Variants in AXIN1 observed in about 807,000 individuals in gnomAD.
AXIN1 encodes axin 1, also known as axin-1.
AXIN1 carries 30 observed loss-of-function variants against 76.4 expected under a neutral mutation model. That is an observed-to-expected ratio of 0.39 (90% CI 0.29 to 0.53). AXIN1 has a LOEUF of 0.53. Among genes scored for constraint, AXIN1 ranks in the 20% least tolerant of loss-of-function variants. The pLI, the probability that AXIN1 is intolerant of heterozygous loss-of-function variation, is 0.66. For synonymous variants in AXIN1, 545 were observed against 501.4 expected (o/e 1.09, Z -1.16); for missense variants, 1,140 against 1,198.8 (o/e 0.95, Z 0.72).
chr16:341,710 T>G (rs928627751), intron 2 of AXIN1, among the ~76,000 whole-genome samples: 134 of 152,352 alleles, frequency 8.8e-4, no homozygotes, highest in Middle Eastern at 3.4e-3. Flanking sequence ...GGGCTCCTGA[T>G]TCTGGTGGGG....
At chr16:292,315 G>C (rs1255564846) in intron 8 of AXIN1, 1 of 152,268 alleles carries the variant, frequency 6.6e-6, no homozygotes, top group Admixed American at 6.5e-5. Flanking sequence ...CAGATGTTTG[G>C]TCATAAAGTG....
intron 4 of AXIN1, among the ~76,000 whole-genome samples, chr16:308,528 A>G (rs2053087489): frequency 1.3e-5 from 2 of 152,264 alleles, no homozygotes; most frequent in Admixed American, 1.3e-4. Context: ...TCATGGGCAC[A>G]GAGGGCTGTT....
chr16:291,527 C>G, intron 8 of AXIN1: 1 of 593,660 alleles, frequency 1.7e-6, no homozygotes, highest in Non-Finnish European at 3.1e-6. Context: ...CCGGCACCAA[C>G]CCCCTGAGTT....
chr16:326,372 A>AAAAAAAAAAAAATATATATATAT (rs1380874299), intron 2 of AXIN1, among the ~76,000 whole-genome samples: 1 of 86,468 alleles, frequency 1.2e-5, no homozygotes, highest in African/African-American at 5.8e-5. Flanking sequence ...AAAAAAAAAA[A>AAAAAAAAAAAAATATATATATAT]ATATATATAT....
chr16:299,378 A>G (rs2052806014), intron 5 of AXIN1, among the ~76,000 whole-genome samples: 1 of 152,252 alleles, frequency 6.6e-6, no homozygotes, highest in Non-Finnish European at 1.5e-5. Flanking sequence ...ATTTAGAGTC[A>G]GAGTCGCTCT....
rs541098940 is a variant in AXIN1, at chr16:287,615, C to T, written c.*507G>A. ...GGAGGACCCAGGACTGCACAGCCGG[C>T]GGCTGGAGGCAGGTGCAGTGCTCCG... On this transcript the variant is annotated 3_prime_UTR_variant, in exon 11 of 11. Transcript: ENST00000262320. The T allele has an allele frequency of 2.2e-4, 68 of 312,044 alleles. No homozygotes were observed. Among genetic ancestry groups the T allele is most frequent in the South Asian group, 6.0e-4 (10 of 16,680 alleles). The allele number at this position is 312,044 out of a possible 1,614,324, so 19.3% of individuals were successfully genotyped here. A position where few individuals can be genotyped will look rare whatever the true frequency, so the allele number is the denominator to read the frequency against.
chr16:346,418 T>G lies in AXIN1; in HGVS notation c.608A>C (p.Lys203Thr). Reference protein sequence around the residue: ...MEENTYPSFLKSDIYLEYTRT... With the variant: ...MEENTYPSFLTSDIYLEYTRT... ...CGTATATTCCAAATAAATATCAGACTTAAGGAAGGAGGGATAGGTGTTTTC... is the reference window on the plus strand; with the variant it reads ...CGTATATTCCAAATAAATATCAGACGTAAGGAAGGAGGGATAGGTGTTTTC... The change falls in exon 2 of 11, where the codon AAG becomes ACG. Residue 203 changes from lysine to threonine, a missense_variant. Physicochemically the swap from Lys to Thr is moderately conservative, Grantham distance 78. This residue lies in a region of AXIN1 where 708 missense variants were observed against 776.9 expected (regional missense o/e 0.91). Transcript: ENST00000262320. The G allele has an allele frequency of 6.2e-7, 1 of 1,614,178 alleles. No homozygotes were observed. The highest frequency in any genetic ancestry group is 2.2e-5 in the East Asian group (1 of 44,890).
rs768364074 is a variant in AXIN1 at position 346,964 on chromosome 16, G to A, written c.62C>T (p.Pro21Leu). The change falls in exon 2 of 11, where the codon CCC (proline) becomes CTC (leucine). Residue 21 changes from proline (P) to leucine (L), a missense_variant. Pro to Leu is a moderately conservative substitution (Grantham distance 98, BLOSUM62 -3). Transcript: ENST00000262320. The part of the protein sequence containing the change: ...DLGASFTEDA[P>L]RPPVPGEEGE... ...CTCCTCACCAGGCACTGGGGGTCGG[G>A]GAGCATCTTCGGTGAAACTTGCTCC... 6 of 1,614,250 alleles carry A rather than the reference G, an allele frequency of 3.7e-6. No homozygotes were observed. In the East Asian group the frequency reaches 8.9e-5, roughly 24 times the overall value.
chr16:291,326 T>C (rs2141477000), intron 8 of AXIN1, 29 bp from the exon 9 acceptor site: 1 of 1,541,316 alleles, frequency 6.5e-7, no homozygotes, highest in Non-Finnish European at 8.8e-7. Flanking sequence ...CAAAGGTGGC[T>C]GTGCCGGCGG....
At position 289,504 on chromosome 16, in the gene AXIN1, C is replaced by T. The variant is rs2052491245; in HGVS notation, c.2398G>A (p.Val800Met). Reference sequence around the variant, plus strand: ...CCCAGGGTGACAGCGCGGCCCCTCACCAGGGTGCGGTAGGGGATGGGTTCC... The same window carrying T: ...CCCAGGGTGACAGCGCGGCCCCTCATCAGGGTGCGGTAGGGGATGGGTTCC... ...CGEPIPYRTL[V>M]RGRAVTLGQF... The change falls in exon 10 of 11, where the codon GTG becomes ATG. Residue 800 changes from valine (V) to methionine (M), a missense_variant. By Grantham distance (21) the Val-to-Met change is conservative. Transcript: ENST00000262320. 1 of 1,612,978 alleles carries T rather than the reference C, an allele frequency of 6.2e-7. No homozygotes were observed. Among genetic ancestry groups the T allele is most frequent in the Non-Finnish European group, 8.5e-7 (1 of 1,180,030 alleles).
At chr16:289,642 T>C (rs1366196564) in intron 9 of AXIN1, 35 bp from the exon 10 acceptor site, 19 of 1,610,604 alleles carry the variant, frequency 1.2e-5, no homozygotes, top group Non-Finnish European at 1.6e-5. Flanking sequence ...TACCTGGTTT[T>C]GGACTGAGGT....
chr16:287,580 C>G lies in AXIN1; in HGVS notation c.*542G>C. ...TGAGAAATGTACATATTTACACGGG[C>G]CCTCAGAAAGGAGGACCCAGGACTG... On this transcript the variant is annotated 3_prime_UTR_variant, in exon 11 of 11. Transcript: ENST00000262320. The G allele has an allele frequency of 3.2e-6, 1 of 308,932 alleles. No homozygotes were observed. The allele number at this position is 308,932 out of a possible 1,614,324, so 19.1% of individuals were successfully genotyped here.
At position 304,376 on chromosome 16, in the gene AXIN1, G is replaced by T. The variant is rs2052960413; in HGVS notation, c.1182C>A (p.His394Gln). ...GCGTGCGCTGCACAGCCTCCAGGCG[G>T]TGGATGAGCTCCTCCGCGAACTTCT... ...EPQKFAEELI[H>Q]RLEAVQRTRE... The change falls in exon 5 of 11, where the codon CAC becomes CAA. Residue 394 changes from histidine (H) to glutamine (Q), a missense_variant. Physicochemically the swap from His to Gln is conservative, Grantham distance 24. Around this residue, in one of 3 missense-constraint regions of AXIN1, gnomAD observed 708 missense variants for 776.9 expected, o/e 0.91. Transcript: ENST00000262320. 6.2e-7 allele frequency: 1 copy of T among 1,612,712 alleles called. No homozygotes were observed. Among genetic ancestry groups the T allele is most frequent in the Admixed American group, 1.7e-5 (1 of 60,026 alleles).
chr16:346,470 G>C lies in AXIN1; in HGVS notation c.556C>G (p.Gln186Glu). Reference protein sequence around the residue: ...LIDPAMFDQAQTEIQATMEEN... With the variant: ...LIDPAMFDQAETEIQATMEEN... ...TCCATAGTGGCCTGGATTTCGGTCT[G>C]GGCCTGGTCAAACATGGCAGGATCG... The change falls in exon 2 of 11, where the codon CAG becomes GAG. Residue 186 changes from glutamine (Q) to glutamate (E), a missense_variant. Around this residue, in one of 3 missense-constraint regions of AXIN1, gnomAD observed 708 missense variants for 776.9 expected, o/e 0.91. Coordinates refer to ENST00000262320, the MANE Select transcript of AXIN1 (RefSeq NM_003502.4). 1 of 1,614,190 alleles carries C rather than the reference G, an allele frequency of 6.2e-7. No individual in the cohort carries two copies. Among genetic ancestry groups the C allele is most frequent in the Non-Finnish European group, 8.5e-7 (1 of 1,180,044 alleles).
chr16:292,917 G>C (rs2052607777), intron 8 of AXIN1: 1 of 121,236 alleles, frequency 8.2e-6, no homozygotes, highest in Non-Finnish European at 1.7e-5. Context: ...CGTCCCGGAT[G>C]AGAGAAGGGC....
chr16:335,821 T>C (rs1283644196), intron 2 of AXIN1, among the ~76,000 whole-genome samples: 1 of 152,212 alleles, frequency 6.6e-6, no homozygotes, highest in African/African-American at 2.4e-5. Flanking sequence ...AGGAGAAGAA[T>C]ATTCACAAGC....
intron 2 of AXIN1, among the ~76,000 whole-genome samples, chr16:338,150 A>T (rs1352522616): frequency 6.6e-5 from 10 of 152,216 alleles, no homozygotes; most frequent in Non-Finnish European, 2.9e-5. Context: ...ACTGCAGGGT[A>T]CGCTGCTACA....
chr16:291,800 G>T (rs1567259175), intron 8 of AXIN1: 1 of 230,880 alleles, frequency 4.3e-6, no homozygotes, highest in Non-Finnish European at 8.8e-6. Flanking sequence ...ACCTCCACCG[G>T]GGTACACTGG....
chr16:341,235 C>T (rs935885304), intron 2 of AXIN1, among the ~76,000 whole-genome samples: 2 of 152,260 alleles, frequency 1.3e-5, no homozygotes, highest in African/African-American at 4.8e-5. Flanking sequence ...AGGCCGGAGC[C>T]GGCTCCCTCA....
Sources: allele counts gnomAD v4.1 joint callset (sites outside exome capture counted in the v4.1 genomes callset), GRCh38; gene constraint gnomAD v4.1.1; regional missense constraint gnomAD v4.1.1; transcripts MANE v1.5; gene names NCBI Gene and HGNC (gene_info 2026-07-23, HGNC 2026-07-21).